The following SENP5 variants were observed in gnomAD, a reference collection of about 807,000 sequenced individuals.
SENP5 encodes the protein SUMO specific peptidase 5, also known as sentrin-specific protease 5.
Under a neutral mutation model 74.2 loss-of-function variants are expected in SENP5, and 21 were observed. That is an observed-to-expected ratio of 0.28 (90% CI 0.20 to 0.41). SENP5 has a LOEUF of 0.41. SENP5 is among the 10% of genes least tolerant of loss of function. SENP5 has a pLI of 1.00. For missense variants in SENP5, 717 were observed against 889.1 expected, an observed-to-expected ratio of 0.81 and a Z score of 2.46; for synonymous variants, 311 against 312.7, an observed-to-expected ratio of 0.99 and a Z score of 0.06.
In SENP5 at chr3:196,898,187, AG is replaced by A. The variant is rs1473132541; in HGVS notation, c.1514-1478del. 3.2e-3 allele frequency among the ~76,000 whole-genome samples: 362 copies of A among 113,864 alleles called. 4 individuals carry two copies. The highest frequency in any genetic ancestry group is 9.5e-3 in the African/African-American group (331 of 34,676). 74.7% of individuals were successfully genotyped at this position (113,864 alleles called of 152,430 possible). On this transcript the variant is annotated intron_variant, in intron 2 of 9. Transcript: ENST00000323460. Reference sequence around the variant, plus strand: ...GAGCAAGGCTTTGTCTTAAAAAAAAAGAAAAAAGAAAAGAAAGAACGTCCTG... The same window carrying A: ...GAGCAAGGCTTTGTCTTAAAAAAAAAAAAAAAGAAAAGAAAGAACGTCCTG...
At chr3:196,924,972 G>A (rs983736703) in intron 7 of SENP5, among the ~76,000 whole-genome samples, 12 of 152,152 alleles carry the variant, frequency 7.9e-5, no homozygotes, top group Non-Finnish European at 2.9e-5. Flanking sequence ...AAGGCATAGA[G>A]CTTTAAAAAG....
At position 196,931,705 on chromosome 3, in the gene SENP5, G is replaced by A. The variant is rs1249217440; in HGVS notation, c.*782G>A. 1.6e-4 allele frequency: 42 copies of A among 265,700 alleles called. No individual in the cohort carries two copies. Among genetic ancestry groups the A allele is most frequent in the South Asian group, 1.4e-3 (42 of 30,620 alleles). The allele number at this position is 265,700 out of a possible 1,614,324, so 16.5% of individuals were successfully genotyped here. On this transcript the variant is annotated 3_prime_UTR_variant, in exon 10 of 10. Transcript: ENST00000323460. ...GAATTCCCTGAATTTTTCTGTTTTCGACCTGTTAAAAAAATCTTAACATCC... is the reference window on the plus strand; with the variant it reads ...GAATTCCCTGAATTTTTCTGTTTTCAACCTGTTAAAAAAATCTTAACATCC...
At chr3:196,915,047 C>A (rs1418303680) in intron 6 of SENP5, among the ~76,000 whole-genome samples, 1 of 152,204 alleles carries the variant, frequency 6.6e-6, no homozygotes, top group Non-Finnish European at 1.5e-5. Flanking sequence ...TTCAGACTAG[C>A]CCCAGCCAGA....
Position 196,903,787 on chromosome 3 carries a change from A to G in SENP5, c.1884+177A>G, listed in dbSNP as rs115255554. Among the ~76,000 whole-genome samples, 823 of 152,380 alleles carry G rather than the reference A, an allele frequency of 5.4e-3. 9 individuals carry two copies. The highest frequency in any genetic ancestry group is 0.019 in the African/African-American group (771 of 41,600). ...ATTGTTTGAAAGACCTTAATTGCCT[A>G]CTGGTCCCAATTATAGTGGTAGAAC... On this transcript the variant is annotated intron_variant, in intron 6 of 9. Coordinates refer to ENST00000323460, the MANE Select transcript of SENP5 (RefSeq NM_152699.5).
At chr3:196,927,100 C>G (rs1192179313) in intron 7 of SENP5, among the ~76,000 whole-genome samples, 1 of 152,128 alleles carries the variant, frequency 6.6e-6, no homozygotes, top group Non-Finnish European at 1.5e-5. Context: ...TGGACTTGAG[C>G]ATATTTAGTA....
rs192963340 is a variant in SENP5, at chr3:196,906,620, G to T, written c.1884+3010G>T. Among the ~76,000 whole-genome samples the T allele has an allele frequency of 1.3e-4, 20 of 152,266 alleles. No individual in the cohort carries two copies. The East Asian group carries it at 3.9e-3, about 29-fold the overall frequency. ...GTTAACTAGGTAAATGGAGAATAGG[G>T]GTATGTGAAACATAGGCAGAAGGAA... is the stretch of plus-strand genomic sequence containing the variant. On this transcript the variant is annotated intron_variant, in intron 6 of 9. Coordinates refer to ENST00000323460, the MANE Select transcript of SENP5 (RefSeq NM_152699.5).
intron 2 of SENP5, 35 bp downstream of exon 2, chr3:196,886,729 A>T: frequency 4.7e-6 from 7 of 1,475,486 alleles, no homozygotes; most frequent in Non-Finnish European, 6.3e-6. Flanking sequence ...CTCAAACTCC[A>T]AGCTCACATT....
intron 6 of SENP5, among the ~76,000 whole-genome samples, chr3:196,918,433 T>G: frequency 6.7e-6 from 1 of 150,352 alleles, no homozygotes. Context: ...CAGTTTGAAA[T>G]AGTTGTTTAT....
chr3:196,887,073 C>G (rs1714005829), intron 2 of SENP5, among the ~76,000 whole-genome samples: 1 of 152,170 alleles, frequency 6.6e-6, no homozygotes, highest in African/African-American at 2.4e-5. Flanking sequence ...CTTTGGCAGT[C>G]TTACAGATCA....
intron 2 of SENP5, among the ~76,000 whole-genome samples, chr3:196,898,895 T>C (rs776187300): frequency 1.3e-5 from 2 of 151,954 alleles, no homozygotes; most frequent in African/African-American, 2.4e-5. Context: ...CATTTGATGA[T>C]GATTCCATTC....
At chr3:196,868,534 G>A (rs1008285224) in intron 1 of SENP5, among the ~76,000 whole-genome samples, 5 of 152,240 alleles carry the variant, frequency 3.3e-5, no homozygotes, top group Admixed American at 2.0e-4. Flanking sequence ...GGTGGGAGAC[G>A]TCTTTTCCCT....
chr3:196,885,117 A>C (rs1477757125), intron 1 of SENP5, 34 bp from the exon 2 acceptor site: 1 of 1,287,558 alleles, frequency 7.8e-7, no homozygotes, highest in East Asian at 2.4e-5. Context: ...CCTTATTTTT[A>C]GATAGAAATA....
At chr3:196,876,173 C>T (rs529653403) in intron 1 of SENP5, among the ~76,000 whole-genome samples, 1 of 152,226 alleles carries the variant, frequency 6.6e-6, no homozygotes, top group Non-Finnish European at 1.5e-5. Context: ...TGTTTACACC[C>T]TCCTTAATAT....
intron 6 of SENP5, among the ~76,000 whole-genome samples, chr3:196,906,264 T>C (rs1714900793): frequency 6.6e-6 from 1 of 151,432 alleles, no homozygotes; most frequent in Non-Finnish European, 1.5e-5. Context: ...CTTTAGGGAG[T>C]TGTATGCCAG....
chr3:196,870,523 C>CT (rs918562525), intron 1 of SENP5, among the ~76,000 whole-genome samples: 5 of 151,220 alleles, frequency 3.3e-5, no homozygotes, highest in East Asian at 1.9e-4. Flanking sequence ...TGTTGATTTT[C>CT]TTTTTTTTTC....
intron 1 of SENP5, among the ~76,000 whole-genome samples, chr3:196,876,531 AAAAG>A (rs1284647856): frequency 6.6e-6 from 1 of 151,494 alleles, no homozygotes. Flanking sequence ...AAAAAAAAAA[AAAAG>A]AAAAGAAAAA....
intron 1 of SENP5, among the ~76,000 whole-genome samples, chr3:196,879,402 C>T (rs1287008743): frequency 6.6e-6 from 1 of 152,092 alleles, no homozygotes; most frequent in Non-Finnish European, 1.5e-5. Context: ...GTTTAGTGTT[C>T]TCTGTACCTA....
intron 1 of SENP5, among the ~76,000 whole-genome samples, chr3:196,871,526 G>A (rs780606089): frequency 1.4e-4 from 21 of 152,078 alleles, no homozygotes; most frequent in Non-Finnish European, 2.8e-4. Context: ...AACTACTTGA[G>A]ACTAAAATTT....
chr3:196,873,046 C>G (rs1560136574), intron 1 of SENP5, among the ~76,000 whole-genome samples: 1 of 150,368 alleles, frequency 6.7e-6, no homozygotes, highest in African/African-American at 2.4e-5. Context: ...GATTGCTTTC[C>G]TCCCTGCAAG....
Sources: gnomAD v4.1 joint callset for allele counts (sites outside exome capture counted in the v4.1 genomes callset) on GRCh38, gnomAD v4.1.1 for gene constraint, MANE v1.5 for transcripts, NCBI Gene and HGNC (gene_info 2026-07-23, HGNC 2026-07-21) for gene names.